The following NFATC1 variants were observed in gnomAD, a reference collection of about 807,000 sequenced individuals.
NFATC1 encodes nuclear factor of activated T-cells, cytoplasmic 1.
Under a neutral mutation model 76.0 loss-of-function variants are expected in NFATC1, and 22 were observed. The observed-to-expected ratio is 0.29, with a 90% CI of 0.21 to 0.41. The LOEUF (loss-of-function observed/expected upper bound fraction) is 0.41, where lower values mean the gene tolerates loss of function less well. Among genes scored for constraint, NFATC1 ranks in the 10% least tolerant of loss-of-function variants. The pLI, the probability that NFATC1 is intolerant of heterozygous loss-of-function variation, is 1.00. For missense variants in NFATC1, 1,357 were observed against 1,337.7 expected (o/e 1.01, Z -0.23); for synonymous variants, 704 against 613.1 (o/e 1.15, Z -2.19).
At chr18:79,430,375 A>C (rs1187564884) in intron 2 of NFATC1, among the ~76,000 whole-genome samples, 1 of 151,346 alleles carries the variant, frequency 6.6e-6, no homozygotes, top group Non-Finnish European at 1.5e-5. Context: ...TTTCACTGTG[A>C]ATTTTGTTTT....
intron 9 of NFATC1, among the ~76,000 whole-genome samples, 156 bp downstream of exon 9, chr18:79,487,093 T>C (rs56048808): frequency 0.021 from 3,183 of 152,254 alleles, 56 homozygotes; most frequent in Non-Finnish European, 0.036. Flanking sequence ...AAAGTGCCCG[T>C]GCGGTGCCAC....
At chr18:79,507,733 G>A (rs1385199876) in intron 9 of NFATC1, among the ~76,000 whole-genome samples, 1 of 152,268 alleles carries the variant, frequency 6.6e-6, no homozygotes, top group Non-Finnish European at 1.5e-5. Flanking sequence ...AGCCTCACGA[G>A]TCAGTAAAGA....
chr18:79,512,144 G>GCCCCAGGACGCAGCCTGA (rs2090268807), intron 9 of NFATC1, among the ~76,000 whole-genome samples: 5 of 152,074 alleles, frequency 3.3e-5, no homozygotes, highest in African/African-American at 9.7e-5. Context: ...GAGGAGACAA[G>GCCCCAGGACGCAGCCTGA]CCCCAGGACG....
At chr18:79,419,571 A>T (rs1024687137) in intron 2 of NFATC1, among the ~76,000 whole-genome samples, 1 of 152,136 alleles carries the variant, frequency 6.6e-6, no homozygotes, top group East Asian at 1.9e-4. Flanking sequence ...GAGGGTCAGA[A>T]CCTGCCTGGT....
chr18:79,482,344 C>T (rs568701208), intron 8 of NFATC1, among the ~76,000 whole-genome samples: 2 of 122,564 alleles, frequency 1.6e-5, no homozygotes, highest in Admixed American at 8.9e-5. Flanking sequence ...CCAGCGTGAC[C>T]TGGTCCTGGG....
chr18:79,446,106 T>C (rs886205369), intron 3 of NFATC1, among the ~76,000 whole-genome samples: 18 of 152,218 alleles, frequency 1.2e-4, no homozygotes, highest in Admixed American at 1.1e-3. Context: ...TCTGACAGGT[T>C]CTGTACTGTG....
At chr18:79,474,662 A>G (rs1489280921) in intron 8 of NFATC1, among the ~76,000 whole-genome samples, 1 of 134,830 alleles carries the variant, frequency 7.4e-6, no homozygotes, top group Non-Finnish European at 1.6e-5. Context: ...AACGTTGTAA[A>G]CCTGAGGGAA....
intron 8 of NFATC1, among the ~76,000 whole-genome samples, chr18:79,481,160 G>A (rs1442696663): frequency 2.0e-5 from 3 of 152,212 alleles, no homozygotes; most frequent in Non-Finnish European, 4.4e-5. Flanking sequence ...GCTCCCCATC[G>A]TCTGGCTTTG....
At chr18:79,501,912 T>G (rs972212134) in intron 9 of NFATC1, among the ~76,000 whole-genome samples, 2 of 152,188 alleles carry the variant, frequency 1.3e-5, no homozygotes, top group Non-Finnish European at 2.9e-5. Context: ...AGAATCAATA[T>G]TGTGAAGATG....
intron 2 of NFATC1, among the ~76,000 whole-genome samples, chr18:79,413,294 G>C (rs929814171): frequency 6.6e-6 from 1 of 152,224 alleles, no homozygotes; most frequent in Non-Finnish European, 1.5e-5. Context: ...TCCTGGGGCT[G>C]CCCTGACAAG....
intron 2 of NFATC1, among the ~76,000 whole-genome samples, chr18:79,425,206 C>CCTGTCTCTGTCTCTCTGTTTCTGTTTCT (rs2086275121): frequency 2.3e-5 from 2 of 88,090 alleles, no homozygotes; most frequent in Admixed American, 2.0e-4. Flanking sequence ...TGTTTCTCTC[C>CCTGTCTCTGTCTCTCTGTTTCTGTTTCT]CTGTCTCTGT....
chr18:79,477,464 T>C (rs1314500802), intron 8 of NFATC1, among the ~76,000 whole-genome samples: 1 of 152,180 alleles, frequency 6.6e-6, no homozygotes, highest in East Asian at 1.9e-4. Context: ...CCACCCCCAA[T>C]GCCACCTGGG....
rs2087486067 is a variant in NFATC1 at position 79,451,823 on chromosome 18, T to C, written c.1903+7T>C. 1 of 1,602,028 alleles carries C rather than the reference T, an allele frequency of 6.2e-7. No homozygotes were observed. The highest frequency in any genetic ancestry group is 8.5e-7 in the Non-Finnish European group (1 of 1,173,260). ...TTCGTGGAGAAAGCCCCAGGTATGC[T>C]CTTCACCAGGGGCCATCTGCGGCCT... On this transcript the variant is annotated splice_region_variant and intron_variant, in intron 6 of 9. Coordinates refer to ENST00000427363, the MANE Select transcript of NFATC1 (RefSeq NM_001278669.2).
intron 9 of NFATC1, among the ~76,000 whole-genome samples, chr18:79,514,843 G>A (rs1160653407): frequency 6.6e-6 from 1 of 151,590 alleles, no homozygotes; most frequent in Non-Finnish European, 1.5e-5. Flanking sequence ...CCCAGGAGTT[G>A]GAGACCAGCC....
At chr18:79,427,165 A>G (rs1562722) in intron 2 of NFATC1, among the ~76,000 whole-genome samples, 67,123 of 152,092 alleles carry the variant, frequency 0.44, 15,696 homozygotes, top group African/African-American at 0.6. Flanking sequence ...CACGTGTCCG[A>G]TGTCTCTGTG....
At chr18:79,462,797 G>A (rs758879535) in intron 7 of NFATC1, among the ~76,000 whole-genome samples, 2 of 151,668 alleles carry the variant, frequency 1.3e-5, no homozygotes, top group Non-Finnish European at 2.9e-5. Flanking sequence ...GGGAAGTCTT[G>A]TGCACCCACT....
At chr18:79,421,113 CCA>C (rs1314399171) in intron 2 of NFATC1, 1 of 152,262 alleles carries the variant, frequency 6.6e-6, no homozygotes, top group East Asian at 1.9e-4. Context: ...AACATGGAGC[CCA>C]CACACACTTC....
At chr18:79,515,165 C>T (rs546817405) in intron 9 of NFATC1, among the ~76,000 whole-genome samples, 174 of 151,884 alleles carry the variant, frequency 1.1e-3, no homozygotes, top group African/African-American at 3.9e-3. Context: ...GCCAACATGG[C>T]GAAACCCCAT....
chr18:79,398,073 G>A (rs555336748), intron 1 of NFATC1, among the ~76,000 whole-genome samples: 11 of 151,990 alleles, frequency 7.2e-5, no homozygotes, highest in Non-Finnish European at 1.3e-4. Context: ...TAGGCCCCAC[G>A]AGGCCATTCC....
Sources: allele counts gnomAD v4.1 joint callset (sites outside exome capture counted in the v4.1 genomes callset), GRCh38; gene constraint gnomAD v4.1.1; transcripts MANE v1.5; gene names NCBI Gene and HGNC (gene_info 2026-07-23, HGNC 2026-07-21).